CACNA2D1: variants seen among roughly 807,000 people sequenced by gnomAD.
The protein encoded by CACNA2D1 is calcium voltage-gated channel auxiliary subunit alpha2delta 1, also known as voltage-dependent calcium channel subunit alpha-2/delta-1.
In CACNA2D1, 53 loss-of-function variants were observed where a neutral mutation model predicts 171.5. The ratio of observed to expected loss-of-function variants is 0.31; its 90% CI spans 0.25 to 0.39. The LOEUF is 0.39. Ranked by LOEUF, CACNA2D1 falls within the 10% of genes least tolerant of loss-of-function variation. CACNA2D1 has a pLI of 1.00. For synonymous variants in CACNA2D1, 442 were observed against 443.1 expected (o/e 1.00, Z 0.03); for missense variants, 903 against 1,299.8 (o/e 0.69, Z 4.69).
intron 5 of CACNA2D1, among the ~76,000 whole-genome samples, chr7:82,120,770 G>A (rs150232638): frequency 6.6e-6 from 1 of 151,446 alleles, no homozygotes; most frequent in South Asian, 2.1e-4. Flanking sequence ...AGCTACTCGG[G>A]AGGCTGAGGC....
chr7:82,339,444 C>T (rs1458227588), intron 2 of CACNA2D1, among the ~76,000 whole-genome samples: 3 of 152,302 alleles, frequency 2.0e-5, no homozygotes, highest in Admixed American at 6.5e-5. Context: ...GACATTTTCC[C>T]TTTGACAATC....
Position 82,146,386 on chromosome 7 carries a change from TTATA to T in CACNA2D1, c.355-9714_355-9711del, listed in dbSNP as rs1187780603. 6.9e-5 allele frequency among the ~76,000 whole-genome samples: 10 copies of T among 145,436 alleles called. No homozygotes were observed. The East Asian group carries it at 2.0e-3, about 29-fold the overall frequency. On this transcript the variant is annotated intron_variant, in intron 4 of 38. Coordinates refer to ENST00000356860, the MANE Select transcript of CACNA2D1 (RefSeq NM_000722.4). The stretch of plus-strand genomic sequence containing the variant: ...TATCTTTACATATACATATTTATAT[TTATA>T]TATATAAAGATATATATTTATATAT...
chr7:82,106,110 G>A (rs1334832819), intron 6 of CACNA2D1, among the ~76,000 whole-genome samples: 1 of 151,952 alleles, frequency 6.6e-6, no homozygotes, highest in Non-Finnish European at 1.5e-5. Context: ...TTCGAATTTT[G>A]AGACAAAATA....
At chr7:81,959,044 G>C (rs1323097721) in intron 38 of CACNA2D1, among the ~76,000 whole-genome samples, 1 of 151,960 alleles carries the variant, frequency 6.6e-6, no homozygotes, top group Non-Finnish European at 1.5e-5. Context: ...AATTGTGTTT[G>C]AAAGCACAAT....
rs148538996 is a variant in CACNA2D1, at chr7:82,358,905, C to T, written c.96-9256G>A. 7.5e-3 allele frequency among the ~76,000 whole-genome samples: 1,139 copies of T among 151,968 alleles called. 19 individuals carry two copies. Among genetic ancestry groups the T allele is most frequent in the African/African-American group, 0.026 (1,057 of 41,416 alleles). Reference sequence around the variant, plus strand: ...TTCATCTTTTCTTTATTTTCTTCCTCAGCTGCAGCAATTTGCTTCCAGCTT... The same window carrying T: ...TTCATCTTTTCTTTATTTTCTTCCTTAGCTGCAGCAATTTGCTTCCAGCTT... On this transcript the variant is annotated intron_variant, in intron 1 of 38. Transcript: ENST00000356860.
At chr7:82,218,168 T>C (rs1285227540) in intron 3 of CACNA2D1, among the ~76,000 whole-genome samples, 1 of 151,986 alleles carries the variant, frequency 6.6e-6, no homozygotes, top group Non-Finnish European at 1.5e-5. Flanking sequence ...TCTCCTGACC[T>C]CGTGATCCAC....
intron 18 of CACNA2D1, chr7:82,001,747 A>T (rs568866999): frequency 1.8e-4 from 171 of 925,924 alleles, no homozygotes; most frequent in Non-Finnish European, 2.4e-4. Flanking sequence ...AATTCATCAT[A>T]GTACATGTCA....
chr7:81,967,328 G>GT (rs1249641007), intron 30 of CACNA2D1, 121 bp from the exon 31 acceptor site: 19 of 854,572 alleles, frequency 2.2e-5, no homozygotes, highest in Non-Finnish European at 3.6e-5. Flanking sequence ...AGATTAAACA[G>GT]TCTAGTCTAT....
chr7:82,081,151 G>C (rs1239837872), intron 7 of CACNA2D1, among the ~76,000 whole-genome samples: 1 of 152,132 alleles, frequency 6.6e-6, no homozygotes, highest in African/African-American at 2.4e-5. Context: ...CATATGTGCT[G>C]TTGCCATTTA....
intron 4 of CACNA2D1, among the ~76,000 whole-genome samples, chr7:82,144,743 A>T (rs1371176719): frequency 6.6e-6 from 1 of 152,112 alleles, no homozygotes; most frequent in African/African-American, 2.4e-5. Context: ...CATTTTTAAA[A>T]TGATGGATCA....
intron 3 of CACNA2D1, among the ~76,000 whole-genome samples, chr7:82,249,338 T>C (rs1218962235): frequency 5.3e-5 from 8 of 152,012 alleles, no homozygotes; most frequent in Admixed American, 5.2e-4. Flanking sequence ...TACATGGACT[T>C]GTAGAAAAAA....
intron 24 of CACNA2D1, 57 bp downstream of exon 24, chr7:81,982,510 T>A (rs997314876): frequency 1.2e-5 from 11 of 924,088 alleles, no homozygotes; most frequent in Non-Finnish European, 1.8e-5. Context: ...AATTCTGAAC[T>A]ACTGTTGAAG....
chr7:81,995,587 T>G (rs1489414441), intron 19 of CACNA2D1, among the ~76,000 whole-genome samples: 1 of 151,874 alleles, frequency 6.6e-6, no homozygotes, highest in South Asian at 2.1e-4. Context: ...TTGCCTGAGG[T>G]TGAGAGTTCG....
chr7:82,200,182 A>G (rs1799268231), intron 3 of CACNA2D1, among the ~76,000 whole-genome samples: 1 of 152,134 alleles, frequency 6.6e-6, no homozygotes, highest in African/African-American at 2.4e-5. Context: ...GAAATTATTG[A>G]TATCTGTTTA....
chr7:82,082,781 T>C (rs1230059723), intron 7 of CACNA2D1, among the ~76,000 whole-genome samples: 3 of 151,862 alleles, frequency 2.0e-5, no homozygotes, highest in Admixed American at 6.6e-5. Flanking sequence ...TATCTAAATA[T>C]GTTTTCCAAA....
At chr7:82,053,619 G>A (rs1445156321) in intron 10 of CACNA2D1, among the ~76,000 whole-genome samples, 2 of 152,082 alleles carry the variant, frequency 1.3e-5, no homozygotes, top group Non-Finnish European at 2.9e-5. Context: ...GTAATACCAG[G>A]AGCTGAAACC....
At chr7:81,987,526 T>C (rs927922019) in intron 21 of CACNA2D1, among the ~76,000 whole-genome samples, 2 of 152,208 alleles carry the variant, frequency 1.3e-5, no homozygotes, top group East Asian at 1.9e-4. Context: ...AAATAATTTA[T>C]TACATTTCAA....
intron 3 of CACNA2D1, among the ~76,000 whole-genome samples, chr7:82,231,288 C>A (rs1186810467): frequency 6.6e-6 from 1 of 152,182 alleles, no homozygotes; most frequent in African/African-American, 2.4e-5. Flanking sequence ...TGCCCTCCAA[C>A]CCCAAGGTGG....
intron 1 of CACNA2D1, among the ~76,000 whole-genome samples, chr7:82,384,408 T>C (rs10274659): frequency 0.29 from 43,700 of 152,006 alleles, 6,762 homozygotes; most frequent in African/African-American, 0.41. Context: ...GGTAGTTACA[T>C]GCAAGCCACA....
Sources: gnomAD v4.1 joint callset for allele counts (sites outside exome capture counted in the v4.1 genomes callset) on GRCh38, gnomAD v4.1.1 for gene constraint, MANE v1.5 for transcripts, NCBI Gene and HGNC (gene_info 2026-07-23, HGNC 2026-07-21) for gene names.